SPOCK2: variants seen among roughly 807,000 people sequenced by gnomAD.
The protein encoded by SPOCK2 is testican-2.
Under a neutral mutation model 60.1 loss-of-function variants are expected in SPOCK2, and 39 were observed. That is an observed-to-expected ratio of 0.65 (90% CI 0.50 to 0.85). SPOCK2 has a LOEUF of 0.85. Ranked by LOEUF, SPOCK2 falls within the 40% of genes least tolerant of loss-of-function variation. The pLI is 0.00. For missense variants in SPOCK2, 523 were observed against 567.4 expected (o/e 0.92, Z 0.80); for synonymous variants, 217 against 231.5 (o/e 0.94, Z 0.57).
chr10:72,086,708 C>T, intron 1 of SPOCK2: 1 of 1,358,404 alleles, frequency 7.4e-7, no homozygotes, highest in South Asian at 1.4e-5. Flanking sequence ...AGCAGCCCAT[C>T]GCGGGGCCCG....
intron 1 of SPOCK2, among the ~76,000 whole-genome samples, chr10:72,085,697 C>T (rs534532631): frequency 6.6e-6 from 1 of 152,248 alleles, no homozygotes; most frequent in East Asian, 1.9e-4. Context: ...GAACAAGGTC[C>T]CAGTTCAACC....
chr10:72,075,282 C>A lies in SPOCK2; in HGVS notation c.190-2372G>T, dbSNP rs111417591. Among the ~76,000 whole-genome samples the A allele has an allele frequency of 1.9e-3, 282 of 152,268 alleles. 2 individuals carry two copies. Among genetic ancestry groups the A allele is most frequent in the African/African-American group, 6.3e-3 (263 of 41,548 alleles). On this transcript the variant is annotated intron_variant, in intron 1 of 10. Transcript: ENST00000373109. ...CGTCTGTACCCATCATCCCCTGGGG[C>A]AGGGGTGGGGACAAGGCTGTGCAGG...
rs111994178 is a variant in SPOCK2 at position 72,072,194 on chromosome 10, G to A, written c.309C>T (p.Ala103=). Residue 103 remains alanine (A), a synonymous_variant, in exon 4 of 11, where the codon GCC becomes GCT. Transcript: ENST00000373109. ...VKCSRHKVCI[A]QGYQRAMCIS... ...TGCACATGGCCCGCTGGTAGCCCTG[G>A]GCAATGCACACCTTGTGGCGGCTGC... 280 of 1,560,224 alleles carry A rather than the reference G, an allele frequency of 1.8e-4. 5 individuals are homozygous for A. The highest frequency in any genetic ancestry group is 3.1e-5 in the Non-Finnish European group (36 of 1,152,474).
At chr10:72,086,604 A>G (rs1840858340) in intron 1 of SPOCK2, 23 of 1,182,334 alleles carry the variant, frequency 1.9e-5, no homozygotes, top group Non-Finnish European at 2.3e-5. Context: ...ACTGCGGCTC[A>G]TCTGCGCTGG....
intron 1 of SPOCK2, among the ~76,000 whole-genome samples, chr10:72,081,878 G>C (rs1046662278): frequency 2.0e-5 from 3 of 152,146 alleles, no homozygotes; most frequent in African/African-American, 7.2e-5. Flanking sequence ...AGAGGGGAGG[G>C]AGGGGTGCAG....
intron 6 of SPOCK2, 98 bp from the exon 7 acceptor site, chr10:72,067,830 A>AG: frequency 6.6e-7 from 1 of 1,521,846 alleles, no homozygotes; most frequent in Non-Finnish European, 8.8e-7. Flanking sequence ...GAGGCTGGGC[A>AG]GGGGTCCGGG....
At position 72,067,687 on chromosome 10, in the gene SPOCK2, C is replaced by T. The variant is rs374354524; in HGVS notation, c.635G>A (p.Arg212Gln). The T allele has an allele frequency of 8.2e-5, 133 of 1,613,732 alleles. No homozygotes were observed. The highest frequency in any genetic ancestry group is 1.0e-4 in the Non-Finnish European group (122 of 1,179,996). The change falls in exon 7 of 11, where the codon CGG becomes CAG. Residue 212 changes from arginine (R) to glutamine (Q), a missense_variant. Transcript: ENST00000373109. ...QDLADLGDRL[R>Q]DWFQLLHENS... ...CTCATGAAGGAGCTGGAACCAGTCC[C>T]GCAGCCGATCTCCCAGGTCAGCCAG...
At chr10:72,076,237 T>C (rs1207057884) in intron 1 of SPOCK2, among the ~76,000 whole-genome samples, 2 of 152,034 alleles carry the variant, frequency 1.3e-5, no homozygotes, top group Non-Finnish European at 2.9e-5. Context: ...AGGGTAAAAC[T>C]CAAGGACACA....
chr10:72,070,939 TA>T (rs1840639338), intron 4 of SPOCK2, among the ~76,000 whole-genome samples: 1 of 152,130 alleles, frequency 6.6e-6, no homozygotes, highest in South Asian at 2.1e-4. Flanking sequence ...ATAGCTGTAA[TA>T]GACCAGGGCC....
intron 1 of SPOCK2, among the ~76,000 whole-genome samples, chr10:72,082,004 G>A (rs567519847): frequency 1.3e-5 from 2 of 152,320 alleles, no homozygotes; most frequent in Non-Finnish European, 2.9e-5. Context: ...GGGGTGGTAA[G>A]GTACACAAGG....
intron 1 of SPOCK2, among the ~76,000 whole-genome samples, chr10:72,080,854 C>T (rs1036404473): frequency 6.6e-6 from 1 of 152,084 alleles, no homozygotes; most frequent in Non-Finnish European, 1.5e-5. Context: ...CGCCAACACC[C>T]ACCTGCTGCC....
chr10:72,083,017 T>C (rs552043864), intron 1 of SPOCK2, among the ~76,000 whole-genome samples: 15 of 152,046 alleles, frequency 9.9e-5, no homozygotes, highest in Non-Finnish European at 2.1e-4. Flanking sequence ...GAGGACAAAA[T>C]AAATCTCTGT....
chr10:72,067,761 C>T (rs370973620), intron 6 of SPOCK2, 29 bp from the exon 7 acceptor site: 18 of 1,607,208 alleles, frequency 1.1e-5, no homozygotes, highest in African/African-American at 6.7e-5. Flanking sequence ...GCATGGAGGG[C>T]GAATGTGCAG....
chr10:72,079,085 CTATTAT>C (rs1418072718), intron 1 of SPOCK2, among the ~76,000 whole-genome samples: 1 of 152,238 alleles, frequency 6.6e-6, no homozygotes, highest in Non-Finnish European at 1.5e-5. Flanking sequence ...AGAAACATTA[CTATTAT>C]TATCTCCATG....
At chr10:72,088,607 C>A, upstream of SPOCK2, 46 of 302,502 alleles carry the variant, frequency 1.5e-4, no homozygotes, top group Non-Finnish European at 2.0e-4. Flanking sequence ...CGTTTGACAT[C>A]ATCATACCTG....
intron 1 of SPOCK2, among the ~76,000 whole-genome samples, chr10:72,079,350 T>G (rs527635487): frequency 6.6e-6 from 1 of 152,160 alleles, no homozygotes; most frequent in Non-Finnish European, 1.5e-5. Flanking sequence ...GCAGGGAGTT[T>G]TGCAGCCAGG....
At position 72,062,801 on chromosome 10, in the gene SPOCK2, C is replaced by T. The variant is rs759682073; in HGVS notation, c.1234G>A (p.Gly412Ser). Residue 412 changes from glycine to serine, a missense_variant, in exon 11 of 11, where the codon GGC (glycine) becomes AGC (serine). Gly to Ser is a moderately conservative substitution (Grantham distance 56, BLOSUM62 0). Transcript: ENST00000373109. This position sits in a 1 kb window ranked among gnomAD's most constrained non-coding sequence, Gnocchi z 4.3. ...CCGTCGTCAGCCTCGCCTGCCTCGC[C>T]CTCCTCCTCCTCGGCCTCCTCGCCT... is the stretch of plus-strand genomic sequence containing the variant. ...EAGEEAEEEE[G>S]EAGEADDGGY... The T allele has an allele frequency of 6.2e-7, 1 of 1,606,076 alleles. No individual in the cohort carries two copies. Among genetic ancestry groups the T allele is most frequent in the Non-Finnish European group, 8.5e-7 (1 of 1,178,498 alleles).
chr10:72,064,049 C>A, intron 9 of SPOCK2, 129 bp downstream of exon 9: 1 of 1,212,448 alleles, frequency 8.2e-7, no homozygotes, highest in Non-Finnish European at 1.1e-6. Context: ...CCTCTTCTGT[C>A]TTCCTAGGCC....
At chr10:72,066,722 G>A (rs1411165732) in intron 8 of SPOCK2, among the ~76,000 whole-genome samples, 180 bp downstream of exon 8, 1 of 152,126 alleles carries the variant, frequency 6.6e-6, no homozygotes, top group Non-Finnish European at 1.5e-5. Flanking sequence ...TGAAAGTGTT[G>A]GCTTCCCTGG....
Sources: allele counts gnomAD v4.1 joint callset (sites outside exome capture counted in the v4.1 genomes callset), GRCh38; gene constraint gnomAD v4.1.1; non-coding constraint Gnocchi (gnomAD v3.1); transcripts MANE v1.5; gene names NCBI Gene and HGNC (gene_info 2026-07-23, HGNC 2026-07-21).